The following RIMS2 variants were observed in gnomAD, a reference collection of about 807,000 sequenced individuals.
The protein encoded by RIMS2 is regulating synaptic membrane exocytosis protein 2.
Under a neutral mutation model 174.4 loss-of-function variants are expected in RIMS2, and 59 were observed. That is an observed-to-expected ratio of 0.34 (90% CI 0.27 to 0.42). The LOEUF (loss-of-function observed/expected upper bound fraction) is 0.42, where lower values mean the gene tolerates loss of function less well. RIMS2 is among the 10% of genes least tolerant of loss of function. The pLI, the probability that RIMS2 is intolerant of heterozygous loss-of-function variation, is 1.00. For synonymous variants in RIMS2, 606 were observed against 572.5 expected (o/e 1.06, Z -0.84); for missense variants, 1,620 against 1,666.3 (o/e 0.97, Z 0.48).
At chr8:103,515,067 G>T (rs1335076521) in intron 1 of RIMS2, among the ~76,000 whole-genome samples, 1 of 151,990 alleles carries the variant, frequency 6.6e-6, no homozygotes, top group African/African-American at 2.4e-5. Flanking sequence ...TTTAACTCAT[G>T]TCCTTTTCTT....
intron 19 of RIMS2, among the ~76,000 whole-genome samples, chr8:104,204,239 T>C (rs904657610): frequency 6.6e-6 from 1 of 152,228 alleles, no homozygotes; most frequent in Non-Finnish European, 1.5e-5. Flanking sequence ...ATATATGCAA[T>C]GTTAGAGGAG....
chr8:104,244,976 T>C, exon 20 of RIMS2: 2 of 1,613,784 alleles, frequency 1.2e-6, no homozygotes, highest in Non-Finnish European at 8.5e-7. Flanking sequence ...GGCCTGGCCG[T>C]GGAAATGAGG....
chr8:103,543,633 G>A (rs1480926683), intron 1 of RIMS2, among the ~76,000 whole-genome samples: 1 of 152,112 alleles, frequency 6.6e-6, no homozygotes, highest in Non-Finnish European at 1.5e-5. Flanking sequence ...AAACAGCATG[G>A]TACTATAAAC....
intron 19 of RIMS2, among the ~76,000 whole-genome samples, chr8:104,195,403 A>T (rs2099019000): frequency 6.6e-6 from 1 of 152,030 alleles, no homozygotes; most frequent in Non-Finnish European, 1.5e-5. Context: ...GCATTTGGGG[A>T]TATTTTGAGG....
At chr8:104,122,024 C>A (rs1281799523) in intron 19 of RIMS2, among the ~76,000 whole-genome samples, 3 of 151,954 alleles carry the variant, frequency 2.0e-5, no homozygotes, top group Non-Finnish European at 4.4e-5. Context: ...CACAAAATCC[C>A]TGTCATCATG....
At chr8:103,834,294 AT>A (rs143302999) in intron 3 of RIMS2, among the ~76,000 whole-genome samples, 23,264 of 128,600 alleles carry the variant, frequency 0.18, 1,928 homozygotes, top group Middle Eastern at 0.28. Context: ...CTGAGCTTTT[AT>A]TTTTTGTAAA....
chr8:103,893,850 G>T (rs2154522241), intron 4 of RIMS2, among the ~76,000 whole-genome samples: 1 of 152,156 alleles, frequency 6.6e-6, no homozygotes, highest in East Asian at 1.9e-4. Flanking sequence ...ACAAATTACA[G>T]TGACTTGTTT....
chr8:103,833,086 C>T (rs889256815), intron 3 of RIMS2, among the ~76,000 whole-genome samples: 2 of 152,104 alleles, frequency 1.3e-5, no homozygotes, highest in African/African-American at 4.8e-5. Flanking sequence ...TTTTCTTAGT[C>T]TTCATTCTTT....
chr8:103,604,346 C>T (rs2094933843), intron 1 of RIMS2, among the ~76,000 whole-genome samples: 1 of 151,900 alleles, frequency 6.6e-6, no homozygotes, highest in Non-Finnish European at 1.5e-5. Context: ...CTGTTCTGTT[C>T]CATTGATCTA....
chr8:103,701,943 A>C (rs2097172466), intron 2 of RIMS2, among the ~76,000 whole-genome samples: 1 of 152,098 alleles, frequency 6.6e-6, no homozygotes, highest in Admixed American at 6.6e-5. Flanking sequence ...TTTTGGGTAC[A>C]TACGTGGTAG....
intron 1 of RIMS2, chr8:103,568,938 G>T: frequency 1.3e-6 from 1 of 796,888 alleles, no homozygotes; most frequent in Non-Finnish European, 2.1e-6. Context: ...AAACTGATCT[G>T]AAAGCGAGTT....
intron 19 of RIMS2, among the ~76,000 whole-genome samples, chr8:104,174,275 G>A (rs1343974902): frequency 6.6e-6 from 1 of 152,072 alleles, no homozygotes; most frequent in Non-Finnish European, 1.5e-5. Context: ...CATTACTAAA[G>A]AAGTTTAGGA....
intron 19 of RIMS2, among the ~76,000 whole-genome samples, chr8:104,090,128 A>G (rs537842408): frequency 1.9e-3 from 286 of 151,762 alleles, no homozygotes; most frequent in Non-Finnish European, 3.2e-3. Context: ...GATGAATTAC[A>G]CACTATCTCT....
At chr8:103,946,176 A>G (rs902564252) in intron 14 of RIMS2, among the ~76,000 whole-genome samples, 1 of 152,200 alleles carries the variant, frequency 6.6e-6, no homozygotes, top group African/African-American at 2.4e-5. Flanking sequence ...TCTATTCATT[A>G]ACATTTTAAT....
intron 1 of RIMS2, among the ~76,000 whole-genome samples, chr8:103,589,603 G>A (rs934410458): frequency 2.6e-5 from 4 of 151,492 alleles, no homozygotes; most frequent in Non-Finnish European, 5.9e-5. Context: ...AAGGAAATCA[G>A]TATATTGAAG....
intron 19 of RIMS2, among the ~76,000 whole-genome samples, chr8:104,042,037 C>T (rs2096617652): frequency 1.3e-5 from 2 of 151,370 alleles, no homozygotes; most frequent in South Asian, 4.1e-4. Flanking sequence ...CAATAGCTCC[C>T]TATCCTTGCA....
intron 3 of RIMS2, among the ~76,000 whole-genome samples, chr8:103,871,584 G>C (rs911795095): frequency 6.6e-6 from 1 of 151,634 alleles, no homozygotes; most frequent in Admixed American, 6.6e-5. Flanking sequence ...CCTGCTTACT[G>C]TCATTACGTT....
At chr8:103,506,744 A>G (rs1390955222) in intron 1 of RIMS2, among the ~76,000 whole-genome samples, 2 of 152,192 alleles carry the variant, frequency 1.3e-5, no homozygotes, top group Non-Finnish European at 2.9e-5. Flanking sequence ...AAGTCAAAAT[A>G]TGCCAGGAGG....
chr8:103,782,807 T>A (rs2098404318), intron 3 of RIMS2, among the ~76,000 whole-genome samples: 1 of 152,186 alleles, frequency 6.6e-6, no homozygotes, highest in African/African-American at 2.4e-5. Flanking sequence ...TGTTTATATC[T>A]TCTTCCATTT....
Sources: allele counts gnomAD v4.1 joint callset (sites outside exome capture counted in the v4.1 genomes callset), GRCh38; gene constraint gnomAD v4.1.1; transcripts MANE v1.5; gene names NCBI Gene and HGNC (gene_info 2026-07-23, HGNC 2026-07-21).